The following CCDC175 variants were observed in gnomAD, a reference collection of about 807,000 sequenced individuals.
The protein encoded by CCDC175 is coiled-coil domain containing 175, also known as coiled-coil domain-containing protein 175.
A neutral mutation model predicts 114.6 loss-of-function variants in CCDC175; 100 were observed. The observed-to-expected ratio is 0.87, with a 90% CI of 0.74 to 1.03. The LOEUF is 1.03. CCDC175 is among the 50% of genes least tolerant of loss of function. The pLI is 0.00. For synonymous variants in CCDC175, 306 were observed against 308.7 expected, an observed-to-expected ratio of 0.99 and a Z score of 0.09; for missense variants, 880 against 917.8, an observed-to-expected ratio of 0.96 and a Z score of 0.53.
Position 59,527,083 on chromosome 14 carries a change from T to C in CCDC175, c.1842+12A>G. ...AATAATAAAAAAAAGAATTAATGCA[T>C]TGATCTTTTACCATGTTGCTAATGT... On this transcript the variant is annotated intron_variant, in intron 15 of 19. Coordinates refer to ENST00000537690, the MANE Select transcript of CCDC175 (RefSeq NM_001164399.2). 1 of 1,340,304 alleles carries C rather than the reference T, an allele frequency of 7.5e-7. No homozygotes were observed. Among genetic ancestry groups the C allele is most frequent in the Non-Finnish European group, 9.9e-7 (1 of 1,007,194 alleles). 83.0% of individuals were successfully genotyped at this position (1,340,304 alleles called of 1,614,324 possible).
At position 59,574,951 on chromosome 14, in the gene CCDC175, T is replaced by C. The variant is rs919411880; in HGVS notation, c.235A>G (p.Lys79Glu). The C allele has an allele frequency of 2.0e-6, 3 of 1,476,520 alleles. No homozygotes were observed. The highest frequency in any genetic ancestry group is 2.1e-5 in the Admixed American group (1 of 46,718). 91.5% of individuals were successfully genotyped at this position (1,476,520 alleles called of 1,614,324 possible). Reference protein sequence around the residue: ...IFLKDIAVAVKKLEEMRKATI... With the variant: ...IFLKDIAVAVEKLEEMRKATI... The stretch of plus-strand genomic sequence containing the variant: ...TATAGATAATACAATACCAATTTCT[T>C]AACAGCTACAGCAATGTCCTTAAGA... The change falls in exon 2 of 20, where the codon AAG becomes GAG. Residue 79 changes from lysine (K) to glutamate (E), a missense_variant. By Grantham distance (56) the Lys-to-Glu change is moderately conservative (BLOSUM62 1). Transcript: ENST00000537690.
intron 6 of CCDC175, among the ~76,000 whole-genome samples, chr14:59,562,695 A>C (rs1281906420): frequency 3.3e-5 from 5 of 152,150 alleles, no homozygotes; most frequent in African/African-American, 1.2e-4. Flanking sequence ...GTACAGGCTA[A>C]GGAAGACATA....
chr14:59,539,775 A>G (rs1439658863), intron 11 of CCDC175, among the ~76,000 whole-genome samples: 3 of 151,990 alleles, frequency 2.0e-5, no homozygotes, highest in Non-Finnish European at 2.9e-5. Context: ...TTAGCCGGGC[A>G]TGATAGTGCA....
At chr14:59,518,744 G>A (rs1308101532) in intron 17 of CCDC175, among the ~76,000 whole-genome samples, 21 of 152,144 alleles carry the variant, frequency 1.4e-4, no homozygotes, top group African/African-American at 5.1e-4. Flanking sequence ...TTCAACCATT[G>A]TGGAAGTCAG....
At chr14:59,541,300 G>T (rs547435805) in intron 10 of CCDC175, among the ~76,000 whole-genome samples, 2 of 152,274 alleles carry the variant, frequency 1.3e-5, no homozygotes, top group Admixed American at 1.3e-4. Flanking sequence ...TTGAACTGGG[G>T]AAAAGTACTA....
At chr14:59,551,277 T>C (rs2140071353) in intron 8 of CCDC175, 78 bp downstream of exon 8, 2 of 695,910 alleles carry the variant, frequency 2.9e-6, no homozygotes, top group Non-Finnish European at 2.2e-6. Flanking sequence ...AAAAATTCTA[T>C]ATTTCTCACA....
At chr14:59,563,629 G>T in intron 6 of CCDC175, 108 bp downstream of exon 6, 2 of 647,520 alleles carry the variant, frequency 3.1e-6, no homozygotes, top group Non-Finnish European at 4.4e-6. Context: ...ATGTTAACGT[G>T]CAGAAAACAT....
At chr14:59,507,180 C>G (rs1892476788) in intron 19 of CCDC175, among the ~76,000 whole-genome samples, 2 of 152,054 alleles carry the variant, frequency 1.3e-5, no homozygotes, top group Non-Finnish European at 2.9e-5. Context: ...CTGGTTGGTT[C>G]CCCCAGCAGA....
intron 2 of CCDC175, among the ~76,000 whole-genome samples, chr14:59,573,073 A>C (rs543664883): frequency 6.6e-5 from 10 of 152,266 alleles, no homozygotes; most frequent in South Asian, 6.2e-4. Flanking sequence ...TGTTTCTTAT[A>C]TGCAGTTTCA....
chr14:59,535,252 A>T (rs1399240499), intron 13 of CCDC175, among the ~76,000 whole-genome samples: 1 of 152,212 alleles, frequency 6.6e-6, no homozygotes, highest in Non-Finnish European at 1.5e-5. Flanking sequence ...GTGGGCACAC[A>T]GCCTGGCAAG....
rs1893433582 is a variant in CCDC175 at position 59,521,614 on chromosome 14, G to A, written c.2058C>T (p.His686=). 14 of 1,535,582 alleles carry A rather than the reference G, an allele frequency of 9.1e-6. No individual in the cohort carries two copies. The highest frequency in any genetic ancestry group is 1.2e-5 in the Non-Finnish European group (14 of 1,145,284). Residue 686 remains histidine, a synonymous_variant, in exon 17 of 20, where the codon CAC becomes CAT. Coordinates refer to ENST00000537690, the MANE Select transcript of CCDC175 (RefSeq NM_001164399.2). ...GTTGCCGAGACAAGTCGCTTGAGGT[G>A]TGCATGAGGGCTTCTTGTCCTTCTC... The part of the protein sequence containing the change: ...KYREGQEALM[H]TSSDLSRQLI...
At chr14:59,521,271 T>G (rs1893412901) in intron 17 of CCDC175, among the ~76,000 whole-genome samples, 1 of 152,192 alleles carries the variant, frequency 6.6e-6, no homozygotes, top group African/African-American at 2.4e-5. Context: ...AACATTGGAC[T>G]CCAAGTTCTT....
intron 17 of CCDC175, among the ~76,000 whole-genome samples, chr14:59,520,208 A>G (rs1893344803): frequency 6.6e-6 from 1 of 152,246 alleles, no homozygotes; most frequent in African/African-American, 2.4e-5. Context: ...TATACTCAAC[A>G]ACATTACTCA....
At chr14:59,554,295 C>T (rs1219356235) in intron 7 of CCDC175, among the ~76,000 whole-genome samples, 2 of 152,190 alleles carry the variant, frequency 1.3e-5, no homozygotes, top group Non-Finnish European at 2.9e-5. Context: ...CAAACTAGAA[C>T]TCAGGATTAA....
intron 19 of CCDC175, 180 bp downstream of exon 19, chr14:59,510,466 G>C (rs142707193): frequency 2.8e-4 from 171 of 605,536 alleles, no homozygotes; most frequent in African/African-American, 2.8e-3. Context: ...AGGCAGAATT[G>C]GATAACACTA....
intron 14 of CCDC175, among the ~76,000 whole-genome samples, chr14:59,527,928 C>G (rs944804250): frequency 6.6e-6 from 1 of 151,890 alleles, no homozygotes; most frequent in Non-Finnish European, 1.5e-5. Context: ...AGGTTTTATT[C>G]AACCAGAACC....
At chr14:59,536,565 C>G (rs943080252) in intron 13 of CCDC175, among the ~76,000 whole-genome samples, 5 of 151,784 alleles carry the variant, frequency 3.3e-5, no homozygotes, top group Admixed American at 1.3e-4. Context: ...TCCTCTCCCC[C>G]CTCACCCCGT....
chr14:59,548,869 T>C (rs1293190498), intron 8 of CCDC175, among the ~76,000 whole-genome samples: 2 of 152,184 alleles, frequency 1.3e-5, no homozygotes. Flanking sequence ...CTGCCTTTGA[T>C]ATCCCTGATG....
intron 19 of CCDC175, among the ~76,000 whole-genome samples, chr14:59,509,954 A>G (rs1892653067): frequency 6.6e-6 from 1 of 152,010 alleles, no homozygotes; most frequent in South Asian, 2.1e-4. Flanking sequence ...TCATCACTCC[A>G]TCTCTCTTCT....
Sources: allele counts gnomAD v4.1 joint callset (sites outside exome capture counted in the v4.1 genomes callset), GRCh38; gene constraint gnomAD v4.1.1; transcripts MANE v1.5; gene names NCBI Gene and HGNC (gene_info 2026-07-23, HGNC 2026-07-21).